GASK1B: variants seen among roughly 807,000 people sequenced by gnomAD.
GASK1B encodes Golgi-associated kinase 1B.
GASK1B carries 34 observed loss-of-function variants against 42.8 expected under a neutral mutation model. That is an observed-to-expected ratio of 0.79 (90% CI 0.60 to 1.06). GASK1B has a LOEUF of 1.06. Ranked by LOEUF, GASK1B falls within the 50% of genes least tolerant of loss-of-function variation. The pLI, the probability that GASK1B is intolerant of heterozygous loss-of-function variation, is 0.00. For missense variants in GASK1B, 686 were observed against 661.0 expected (o/e 1.04, Z -0.42); for synonymous variants, 262 against 259.1 (o/e 1.01, Z -0.11).
intron 2 of GASK1B, among the ~76,000 whole-genome samples, chr4:158,167,005 T>G (rs1245004940): frequency 6.6e-6 from 1 of 152,084 alleles, no homozygotes; most frequent in Non-Finnish European, 1.5e-5. Flanking sequence ...TAAAATGAGG[T>G]TTAAAAAGTC....
rs143432438 is a variant in GASK1B, at chr4:158,141,793, G to C, written c.1126-10781C>G. 7.9e-3 allele frequency among the ~76,000 whole-genome samples: 1,200 copies of C among 151,038 alleles called. 14 individuals carry two copies. The highest frequency in any genetic ancestry group is 0.027 in the African/African-American group (1,114 of 41,132). ...GACTAATTTTTCTGTATTTTTACTA[G>C]AGACGGGGTTTCACTGTGTTAGCCA... On this transcript the variant is annotated intron_variant, in intron 3 of 4. Coordinates refer to ENST00000585682, the MANE Select transcript of GASK1B (RefSeq NM_001128424.2).
chr4:158,164,514 G>T (rs943650519), intron 2 of GASK1B, among the ~76,000 whole-genome samples: 6 of 152,220 alleles, frequency 3.9e-5, no homozygotes, highest in Non-Finnish European at 8.8e-5. Context: ...GTTCACTGAT[G>T]AATGAATGTA....
At chr4:158,136,362 C>A (rs1242117742) in intron 3 of GASK1B, among the ~76,000 whole-genome samples, 3 of 151,924 alleles carry the variant, frequency 2.0e-5, no homozygotes, top group East Asian at 1.9e-4. Flanking sequence ...AGAAAATGCA[C>A]TGTGCCTATA....
intron 2 of GASK1B, among the ~76,000 whole-genome samples, chr4:158,167,657 A>C (rs1424372349): frequency 6.6e-6 from 1 of 152,250 alleles, no homozygotes. Context: ...AACAGGAAGT[A>C]TCTTTGCCTT....
chr4:158,141,371 T>C (rs1302774650), intron 3 of GASK1B, among the ~76,000 whole-genome samples: 1 of 151,510 alleles, frequency 6.6e-6, no homozygotes, highest in African/African-American at 2.4e-5. Context: ...CAGAAAACAT[T>C]CAGAAGTACC....
In GASK1B at chr4:158,171,499, G is replaced by A; in HGVS notation, c.-124C>T. 1 of 1,047,398 alleles carries A rather than the reference G, an allele frequency of 9.5e-7. No homozygotes were observed. The highest frequency in any genetic ancestry group is 2.7e-5 in the East Asian group (1 of 37,620). 64.9% of individuals were successfully genotyped at this position (1,047,398 alleles called of 1,614,324 possible). A position where few individuals can be genotyped will look rare whatever the true frequency, so the allele number is the denominator to read the frequency against. On this transcript the variant is annotated 5_prime_UTR_variant, in exon 2 of 5. Transcript: ENST00000585682. ...TCGGGATATAAGTGGTCTCCAGTGG[G>A]CAGAGGTGGAAGGAAAGGGTTGGTG...
At chr4:158,146,967 T>A (rs1731354110) in intron 3 of GASK1B, among the ~76,000 whole-genome samples, 3 of 152,224 alleles carry the variant, frequency 2.0e-5, no homozygotes. Flanking sequence ...TGAATGTAGA[T>A]CTGTTAACTG....
chr4:158,141,597 C>CATTTTTTTTTTTTTTTTTTTTTTTT lies in GASK1B; in HGVS notation c.1126-10586_1126-10585insAAAAAAAAAAAAAAAAAAAAAAAAT, dbSNP rs1553958620. The stretch of plus-strand genomic sequence containing the variant: ...CATAGGTCAGTGCCTTTGTATTTAC[C>CATTTTTTTTTTTTTTTTTTTTTTTT]TTTTTTTTTTTTTTTTTTTTTTTTT... On this transcript the variant is annotated intron_variant, in intron 3 of 4. Transcript: ENST00000585682. Among the ~76,000 whole-genome samples, 5 of 113,694 alleles carry CATTTTTTTTTTTTTTTTTTTTTTTT rather than the reference C, an allele frequency of 4.4e-5. 2 individuals carry two copies. Among genetic ancestry groups the CATTTTTTTTTTTTTTTTTTTTTTTT allele is most frequent in the Admixed American group, 1.8e-4 (2 of 10,966 alleles). 74.6% of individuals were successfully genotyped at this position (113,694 alleles called of 152,430 possible).
At chr4:158,166,850 T>G (rs1482794925) in intron 2 of GASK1B, among the ~76,000 whole-genome samples, 2 of 152,104 alleles carry the variant, frequency 1.3e-5, no homozygotes, top group African/African-American at 2.4e-5. Flanking sequence ...AGAAAGACGA[T>G]GTACCTTAGG....
At chr4:158,133,994 T>C (rs146136522) in intron 3 of GASK1B, among the ~76,000 whole-genome samples, 2 of 152,372 alleles carry the variant, frequency 1.3e-5, no homozygotes, top group Admixed American at 6.5e-5. Flanking sequence ...GGTTTTACTT[T>C]GTTTTCCTTA....
chr4:158,136,765 AG>A (rs1280385820), intron 3 of GASK1B, among the ~76,000 whole-genome samples: 4 of 152,216 alleles, frequency 2.6e-5, no homozygotes. Context: ...ATTTGTTTTT[AG>A]CATTTAAAAA....
At chr4:158,145,800 G>C (rs1731309186) in intron 3 of GASK1B, among the ~76,000 whole-genome samples, 1 of 152,148 alleles carries the variant, frequency 6.6e-6, no homozygotes, top group Non-Finnish European at 1.5e-5. Flanking sequence ...TAAGAGCTCA[G>C]AAAAGTCTGC....
At chr4:158,133,168 TA>T (rs1344251939) in intron 3 of GASK1B, among the ~76,000 whole-genome samples, 1 of 152,172 alleles carries the variant, frequency 6.6e-6, no homozygotes, top group Non-Finnish European at 1.5e-5. Flanking sequence ...ACATGAAAAC[TA>T]ACTTTTCTAT....
intron 2 of GASK1B, among the ~76,000 whole-genome samples, chr4:158,160,144 A>G (rs2111003226): frequency 6.6e-6 from 1 of 152,342 alleles, no homozygotes; most frequent in African/African-American, 2.4e-5. Flanking sequence ...CATTGAAGAA[A>G]ACAAAAGCCA....
At chr4:158,132,470 G>T (rs1434659547) in intron 3 of GASK1B, among the ~76,000 whole-genome samples, 2 of 152,122 alleles carry the variant, frequency 1.3e-5, no homozygotes, top group Non-Finnish European at 2.9e-5. Context: ...CAAGGCAAAT[G>T]TTACCCATGG....
chr4:158,171,121 G>A lies in GASK1B; in HGVS notation c.255C>T (p.Pro85=), dbSNP rs1473655710. Residue 85 remains proline, a synonymous_variant, in exon 2 of 5, where the codon CCC becomes CCT. Transcript: ENST00000585682. ...DTAEPSFPEI[P]LDGTLAPPES... ...CTGGAGGGGCCAGGGTACCATCCAG[G>A]GGTATCTCAGGGAAGGATGGCTCGG... The A allele has an allele frequency of 6.2e-7, 1 of 1,609,118 alleles. No homozygotes were observed. The highest frequency in any genetic ancestry group is 8.5e-7 in the Non-Finnish European group (1 of 1,176,330).
At chr4:158,153,683 G>C (rs1424025634) in intron 3 of GASK1B, among the ~76,000 whole-genome samples, 2 of 152,078 alleles carry the variant, frequency 1.3e-5, no homozygotes, top group African/African-American at 4.8e-5. Flanking sequence ...ACAGAATAGA[G>C]GACCCAGAAA....
At chr4:158,140,769 G>T (rs913881419) in intron 3 of GASK1B, among the ~76,000 whole-genome samples, 7 of 152,118 alleles carry the variant, frequency 4.6e-5, no homozygotes, top group African/African-American at 1.7e-4. Context: ...AATCACACAG[G>T]CTTCCTCAAG....
chr4:158,155,802 G>C lies in GASK1B; in HGVS notation c.934C>G (p.Leu312Val), dbSNP rs779544147. Reference sequence around the variant, plus strand: ...GCTGAAGATAAAGATGCATCCCAAAGAATGATGGGGCATGGGCGGCCATCT... The same window carrying C: ...GCTGAAGATAAAGATGCATCCCAAACAATGATGGGGCATGGGCGGCCATCT... ...IQDGRPCPIILWDASLSSASN... is the reference protein window; with the variant it reads ...IQDGRPCPIIVWDASLSSASN... Residue 312 changes from leucine to valine, a missense_variant, in exon 3 of 5, where the codon CTT becomes GTT. Leu to Val is a conservative substitution (Grantham distance 32). Transcript: ENST00000585682. The C allele has an allele frequency of 6.8e-6, 11 of 1,613,724 alleles. No homozygotes were observed. In the Middle Eastern group the frequency reaches 6.6e-4, roughly 97 times the overall value.
Sources: gnomAD v4.1 joint callset for allele counts (sites outside exome capture counted in the v4.1 genomes callset) on GRCh38, gnomAD v4.1.1 for gene constraint, MANE v1.5 for transcripts, NCBI Gene and HGNC (gene_info 2026-07-23, HGNC 2026-07-21) for gene names.